The following KAZN variants were observed in gnomAD, a reference collection of about 807,000 sequenced individuals.
KAZN encodes the protein kazrin.
KAZN carries 40 observed loss-of-function variants against 87.4 expected under a neutral mutation model. The observed-to-expected ratio is 0.46, with a 90% CI of 0.36 to 0.60. The LOEUF is 0.60. KAZN is among the 20% of genes least tolerant of loss of function. KAZN has a pLI of 0.00. For missense variants in KAZN, 898 were observed against 1,073.9 expected (o/e 0.84, Z 2.29); for synonymous variants, 466 against 458.3 (o/e 1.02, Z -0.22).
At chr1:14,739,495 T>G (rs1261820746) in intron 1 of KAZN, among the ~76,000 whole-genome samples, 1 of 152,036 alleles carries the variant, frequency 6.6e-6, no homozygotes, top group African/African-American at 2.4e-5. Flanking sequence ...AGCCCTTTGA[T>G]GCCCAAAACT....
At chr1:14,976,294 G>A (rs1275691455) in intron 2 of KAZN, among the ~76,000 whole-genome samples, 1 of 152,106 alleles carries the variant, frequency 6.6e-6, no homozygotes, top group Non-Finnish European at 1.5e-5. Flanking sequence ...TCAGCCTCCT[G>A]AGTAGCTGGG....
intron 1 of KAZN, among the ~76,000 whole-genome samples, chr1:14,698,386 G>A (rs1641732236): frequency 1.3e-5 from 2 of 152,212 alleles, no homozygotes; most frequent in Non-Finnish European, 2.9e-5. Flanking sequence ...CATCTGCTAA[G>A]ACCTCCACCG....
intron 1 of KAZN, among the ~76,000 whole-genome samples, chr1:13,970,200 T>C (rs1642088047): frequency 6.6e-6 from 1 of 152,232 alleles, no homozygotes. Context: ...ATACCATCTG[T>C]TCTCAGCCTC....
intron 2 of KAZN, among the ~76,000 whole-genome samples, chr1:14,514,342 ATTTATATATAT>A (rs1671093479): frequency 3.7e-5 from 1 of 26,986 alleles, no homozygotes; most frequent in East Asian, 5.0e-4. Context: ...TTATATATAT[ATTTATATATAT>A]TATATATATA....
intron 2 of KAZN, among the ~76,000 whole-genome samples, chr1:14,334,443 A>G (rs550726283): frequency 2.0e-5 from 3 of 151,874 alleles, no homozygotes; most frequent in Admixed American, 2.0e-4. Flanking sequence ...GGCCATCACA[A>G]GGACTTTGGC....
intron 1 of KAZN, among the ~76,000 whole-genome samples, chr1:14,869,872 A>G (rs1572693010): frequency 1.3e-5 from 2 of 152,328 alleles, no homozygotes; most frequent in African/African-American, 2.4e-5. Context: ...GCCTTGTTCC[A>G]TGTGGTGGCT....
intron 1 of KAZN, among the ~76,000 whole-genome samples, chr1:14,130,288 TG>T (rs1242875002): frequency 6.6e-6 from 1 of 152,194 alleles, no homozygotes; most frequent in African/African-American, 2.4e-5. Context: ...CAGCCATCAG[TG>T]GGGACTTCAC....
intron 1 of KAZN, among the ~76,000 whole-genome samples, chr1:14,004,633 G>A (rs531573007): frequency 6.6e-6 from 1 of 152,254 alleles, no homozygotes; most frequent in Admixed American, 6.5e-5. Flanking sequence ...TCCAGGTGCT[G>A]GTTTTGTAGG....
chr1:13,969,913 G>A (rs1289457636), intron 1 of KAZN, among the ~76,000 whole-genome samples: 2 of 152,208 alleles, frequency 1.3e-5, no homozygotes, highest in African/African-American at 4.8e-5. Context: ...AACTGATTCT[G>A]TGAGGTAGGC....
At chr1:14,535,397 TG>T (rs1235380365) in intron 2 of KAZN, among the ~76,000 whole-genome samples, 2 of 152,182 alleles carry the variant, frequency 1.3e-5, no homozygotes, top group Non-Finnish European at 2.9e-5. Context: ...CTGGGTGTGG[TG>T]GGCTCACGCC....
chr1:15,037,862 T>C (rs1672497375), intron 3 of KAZN, among the ~76,000 whole-genome samples: 1 of 152,064 alleles, frequency 6.6e-6, no homozygotes, highest in African/African-American at 2.4e-5. Flanking sequence ...AGACAAGTCC[T>C]TCTGGGAGGG....
chr1:14,020,597 G>T (rs1158819105), intron 1 of KAZN, among the ~76,000 whole-genome samples: 1 of 152,228 alleles, frequency 6.6e-6, no homozygotes, highest in African/African-American at 2.4e-5. Flanking sequence ...GAATCTGAAT[G>T]TACTGTGCTG....
chr1:14,988,772 G>A (rs1012353070), intron 2 of KAZN, among the ~76,000 whole-genome samples: 4 of 152,178 alleles, frequency 2.6e-5, no homozygotes, highest in African/African-American at 9.6e-5. Context: ...CGGCTCAGCT[G>A]CAGGGGCCAC....
chr1:14,459,800 T>A (rs762641842), intron 2 of KAZN, among the ~76,000 whole-genome samples: 1 of 152,204 alleles, frequency 6.6e-6, no homozygotes, highest in Non-Finnish European at 1.5e-5. Context: ...AACAGAATCA[T>A]TGGGTGGTAT....
At chr1:14,221,434 G>A (rs569278929) in intron 2 of KAZN, among the ~76,000 whole-genome samples, 1 of 152,108 alleles carries the variant, frequency 6.6e-6, no homozygotes, top group South Asian at 2.1e-4. Flanking sequence ...TTGCAATCAC[G>A]ATCCATGTAG....
intron 2 of KAZN, among the ~76,000 whole-genome samples, chr1:14,387,963 G>A (rs890962876): frequency 1.2e-4 from 18 of 152,126 alleles, no homozygotes; most frequent in Middle Eastern, 3.2e-3. Flanking sequence ...AGCAATCAGC[G>A]AGACTCCGTG....
At chr1:14,419,241 G>A (rs962338757) in intron 2 of KAZN, among the ~76,000 whole-genome samples, 1 of 152,118 alleles carries the variant, frequency 6.6e-6, no homozygotes, top group Non-Finnish European at 1.5e-5. Flanking sequence ...TTAAAAGTAA[G>A]TAAACTGAAG....
At chr1:14,347,788 G>A (rs750414394) in intron 2 of KAZN, among the ~76,000 whole-genome samples, 4 of 151,928 alleles carry the variant, frequency 2.6e-5, no homozygotes, top group South Asian at 2.1e-4. Flanking sequence ...CTGGATAGTC[G>A]AACTACAGAT....
intron 2 of KAZN, among the ~76,000 whole-genome samples, chr1:14,205,251 AGGAAATG>A (rs1646716461): frequency 6.6e-6 from 1 of 152,202 alleles, no homozygotes; most frequent in South Asian, 2.1e-4. Context: ...CAGGAGAGCG[AGGAAATG>A]GGTTTAGTAG....
Sources: allele counts gnomAD v4.1 joint callset (sites outside exome capture counted in the v4.1 genomes callset), GRCh38; gene constraint gnomAD v4.1.1; transcripts MANE v1.5; gene names NCBI Gene and HGNC (gene_info 2026-07-23, HGNC 2026-07-21).